Variants in TENM2 observed in about 807,000 individuals in gnomAD.
TENM2 encodes teneurin transmembrane protein 2.
TENM2 carries 52 observed loss-of-function variants against 245.2 expected under a neutral mutation model. The observed-to-expected ratio is 0.21, with a 90% CI of 0.17 to 0.27. TENM2 has a LOEUF of 0.27. Ranked by LOEUF, TENM2 falls within the 10% of genes least tolerant of loss-of-function variation. TENM2 has a pLI of 1.00. For synonymous variants in TENM2, 1,363 were observed against 1,438.9 expected (o/e 0.95, Z 1.19); for missense variants, 3,046 against 3,666.8 (o/e 0.83, Z 4.37).
chr5:167,786,421 C>T (rs939789683), intron 2 of TENM2, among the ~76,000 whole-genome samples: 1 of 152,200 alleles, frequency 6.6e-6, no homozygotes, highest in Non-Finnish European at 1.5e-5. Context: ...ATTGTAATGA[C>T]AAGATAAGTT....
the TENM2 span, among the ~76,000 whole-genome samples, chr5:167,251,644 G>A: frequency 2.0e-5 from 3 of 152,074 alleles, no homozygotes; most frequent in Non-Finnish European, 4.4e-5. Context: ...ATGGCCATGT[G>A]TCTGGGCCCA....
At chr5:167,145,652 T>C in the TENM2 span, among the ~76,000 whole-genome samples, 1 of 152,228 alleles carries the variant, frequency 6.6e-6, no homozygotes, top group Non-Finnish European at 1.5e-5. Context: ...CTGGGGCATT[T>C]TCTCGTTGCA....
chr5:167,592,652 A>G (rs1456716646), intron 2 of TENM2, among the ~76,000 whole-genome samples: 2 of 152,092 alleles, frequency 1.3e-5, no homozygotes, highest in East Asian at 3.9e-4. Context: ...CTTTTGCCCA[A>G]CCCTGGTCCC....
chr5:168,127,338 C>G (rs1795927217), intron 12 of TENM2, among the ~76,000 whole-genome samples: 1 of 152,178 alleles, frequency 6.6e-6, no homozygotes, highest in South Asian at 2.1e-4. Flanking sequence ...CACTGGATCC[C>G]TGCTTGCTGG....
At chr5:167,035,524 T>A in the TENM2 span, among the ~76,000 whole-genome samples, 1 of 152,230 alleles carries the variant, frequency 6.6e-6, no homozygotes, top group Non-Finnish European at 1.5e-5. Flanking sequence ...CTTTCTTCTA[T>A]TCTTGATAGT....
chr5:168,069,960 G>A (rs1790841890), intron 7 of TENM2, among the ~76,000 whole-genome samples: 1 of 152,108 alleles, frequency 6.6e-6, no homozygotes, highest in South Asian at 2.1e-4. Context: ...GATAAGATCG[G>A]CACATCAAAG....
At chr5:167,767,730 A>G (rs953596865) in intron 2 of TENM2, among the ~76,000 whole-genome samples, 4 of 152,212 alleles carry the variant, frequency 2.6e-5, no homozygotes, top group African/African-American at 9.6e-5. Flanking sequence ...ATTTTAAAGG[A>G]AGAGGCTGCA....
chr5:168,004,390 C>G (rs925057130), intron 5 of TENM2, among the ~76,000 whole-genome samples: 2 of 152,152 alleles, frequency 1.3e-5, no homozygotes, highest in African/African-American at 2.4e-5. Flanking sequence ...GGAACAGGGT[C>G]TGGTCTAGAC....
At chr5:167,733,280 C>T (rs982368881) in intron 2 of TENM2, among the ~76,000 whole-genome samples, 12 of 152,144 alleles carry the variant, frequency 7.9e-5, no homozygotes, top group African/African-American at 2.9e-4. Context: ...GACAGAATGT[C>T]TAGTCAGTGC....
the TENM2 span, among the ~76,000 whole-genome samples, chr5:167,242,779 T>A: frequency 6.6e-6 from 1 of 152,222 alleles, no homozygotes; most frequent in South Asian, 2.1e-4. Flanking sequence ...AACAGTAGGC[T>A]ATTTGTAGTT....
At chr5:167,663,141 G>GGAGAGAGAGA (rs544699415) in intron 2 of TENM2, among the ~76,000 whole-genome samples, 488 of 108,514 alleles carry the variant, frequency 4.5e-3, no homozygotes, top group Non-Finnish European at 6.0e-3. Context: ...ATGGGGATGG[G>GGAGAGAGAGA]GAGAGAGAGA....
chr5:167,593,739 C>T (rs542977819), intron 2 of TENM2, among the ~76,000 whole-genome samples: 4 of 152,322 alleles, frequency 2.6e-5, no homozygotes, highest in Non-Finnish European at 4.4e-5. Context: ...TAGAAATACT[C>T]CTGAAATTGG....
chr5:167,616,053 C>A (rs1349698025), intron 2 of TENM2, among the ~76,000 whole-genome samples: 2 of 152,036 alleles, frequency 1.3e-5, no homozygotes, highest in African/African-American at 2.4e-5. Context: ...GTTTTGGTGC[C>A]CATTTGGGTA....
In TENM2 at chr5:167,482,279, A is replaced by G. The variant is rs943086153; in HGVS notation, c.502+106806A>G. ...AACCTTACTCTAAAAACAATTTTCA[A>G]TGTCACTTAAACTTTGAGAAGTAGT... On this transcript the variant is annotated intron_variant, in intron 2 of 28. Transcript: ENST00000518659. 3.3e-5 allele frequency among the ~76,000 whole-genome samples: 5 copies of G among 152,148 alleles called. No homozygotes were observed. In the East Asian group the frequency reaches 5.8e-4, roughly 18 times the overall value.
chr5:167,900,120 AAAAAAAAAAAAAAGG>A (rs1775570744), intron 3 of TENM2, among the ~76,000 whole-genome samples: 1 of 122,570 alleles, frequency 8.2e-6, no homozygotes, highest in Non-Finnish European at 1.7e-5. Flanking sequence ...CTAAAAAAAA[AAAAAAAAAAAAAAGG>A]GGGGGGGGGT....
At chr5:167,337,234 G>T (rs1757832133) in intron 1 of TENM2, among the ~76,000 whole-genome samples, 1 of 151,514 alleles carries the variant, frequency 6.6e-6, no homozygotes, top group African/African-American at 2.4e-5. Context: ...ACATACAGCA[G>T]GGACAAGAAA....
chr5:168,021,461 A>C (rs1159621181), intron 5 of TENM2, among the ~76,000 whole-genome samples: 1 of 152,214 alleles, frequency 6.6e-6, no homozygotes, highest in African/African-American at 2.4e-5. Flanking sequence ...TCCTCAAGTC[A>C]CTGGGTTCTT....
intron 2 of TENM2, among the ~76,000 whole-genome samples, chr5:167,862,969 A>C (rs1478738517): frequency 6.6e-6 from 1 of 152,230 alleles, no homozygotes; most frequent in Non-Finnish European, 1.5e-5. Flanking sequence ...TACCCTAGTT[A>C]AAATTACTCT....
At chr5:167,248,808 GTATA>G in the TENM2 span, among the ~76,000 whole-genome samples, 3 of 150,728 alleles carry the variant, frequency 2.0e-5, no homozygotes, top group African/African-American at 2.4e-5. Context: ...GCGTGTGTGT[GTATA>G]TATATATATA....
Sources: gnomAD v4.1 joint callset for allele counts (sites outside exome capture counted in the v4.1 genomes callset) on GRCh38, gnomAD v4.1.1 for gene constraint, MANE v1.5 for transcripts, NCBI Gene and HGNC (gene_info 2026-07-23, HGNC 2026-07-21) for gene names.